ZNF469: variants seen among roughly 807,000 people sequenced by gnomAD.
ZNF469 encodes the protein zinc finger protein 469.
ZNF469 carries 1 observed loss-of-function variant against 1.0 expected under a neutral mutation model. That is an observed-to-expected ratio of 1.00 (90% confidence interval 0.35 to 4.73). The LOEUF (loss-of-function observed/expected upper bound fraction) is 4.73. ZNF469 is among the 30% of genes most tolerant of loss of function. The probability of loss-of-function intolerance (pLI) is 0.16; values close to 1 mark genes in which losing one functional copy is unlikely to be tolerated. For missense variants in ZNF469, 6,100 were observed against 5,356.3 expected (o/e 1.14, Z -4.33); for synonymous variants, 2,703 against 2,363.4 (o/e 1.14, Z -4.17).
At chr16:88,380,389 AGACACGCCCT>A (rs2092518341), upstream of ZNF469, among the ~76,000 whole-genome samples, 1 of 119,592 alleles carries the variant, frequency 8.4e-6, no homozygotes, top group Admixed American at 7.5e-5. Flanking sequence ...ACGCACTCAC[AGACACGCCCT>A]CACACAGACA....
chr16:88,393,320 G>T (rs1904541008), intron 1 of ZNF469, among the ~76,000 whole-genome samples: 1 of 152,236 alleles, frequency 6.6e-6, no homozygotes, highest in African/African-American at 2.4e-5. Flanking sequence ...GCATCCGATT[G>T]TTAGCTGAGC....
At chr16:88,299,419 C>T in the ZNF469 span, among the ~76,000 whole-genome samples, 2 of 152,180 alleles carry the variant, frequency 1.3e-5, no homozygotes, top group Non-Finnish European at 2.9e-5. Context: ...GCAGAGGCTC[C>T]AGGTGCCGGC....
At chr16:88,203,226 G>T in the ZNF469 span, among the ~76,000 whole-genome samples, 2 of 152,140 alleles carry the variant, frequency 1.3e-5, no homozygotes, top group East Asian at 1.9e-4. Context: ...GGAGGGAGGA[G>T]CCCCCAACCC....
chr16:88,211,970 CA>C, the ZNF469 span, among the ~76,000 whole-genome samples: 4 of 152,296 alleles, frequency 2.6e-5, no homozygotes, highest in African/African-American at 9.6e-5. Flanking sequence ...ACAATTTGTC[CA>C]GTGATTATGG....
At chr16:88,386,772 G>T (rs2092537548) in intron 1 of ZNF469, among the ~76,000 whole-genome samples, 1 of 152,196 alleles carries the variant, frequency 6.6e-6, no homozygotes, top group Non-Finnish European at 1.5e-5. Context: ...TGATGGAGCT[G>T]ACCTGCTACA....
At chr16:88,185,414 C>T in the ZNF469 span, among the ~76,000 whole-genome samples, 2 of 152,324 alleles carry the variant, frequency 1.3e-5, no homozygotes, top group East Asian at 1.9e-4. Context: ...CACTTATACT[C>T]ACATGAATAC....
At chr16:88,225,451 G>A in the ZNF469 span, among the ~76,000 whole-genome samples, 38 of 152,298 alleles carry the variant, frequency 2.5e-4, no homozygotes, top group African/African-American at 8.7e-4. Context: ...AAGGGAAATC[G>A]GTGGGCAGGG....
At position 88,433,884 on chromosome 16, in the gene ZNF469, G is replaced by T. The variant is rs548774131; in HGVS notation, c.6414G>T (p.Ser2138=). Residue 2138 remains serine (S), a synonymous_variant, in exon 3 of 3, where the codon TCG becomes TCT. Transcript: ENST00000565624. ...TGCCCCGTGAAGACCCACTTACCTC[G>T]CCTTCCAGGGCCCAAGGTGGGCTGG... ...GPLPREDPLT[S]PSRAQGGLGG... 160 of 1,548,436 alleles carry T rather than the reference G, an allele frequency of 1.0e-4. 2 individuals carry two copies. The East Asian group carries it at 3.5e-3, about 34-fold the overall frequency.
the ZNF469 span, among the ~76,000 whole-genome samples, chr16:88,165,790 C>A: frequency 6.6e-6 from 1 of 152,166 alleles, no homozygotes; most frequent in Non-Finnish European, 1.5e-5. Context: ...GCTTTCCCTG[C>A]CCCAGCCCGG....
At chr16:88,329,878 G>A in the ZNF469 span, among the ~76,000 whole-genome samples, 1 of 152,238 alleles carries the variant, frequency 6.6e-6, no homozygotes, top group Non-Finnish European at 1.5e-5. Flanking sequence ...CAGCCCTCAG[G>A]CCATCCGGTG....
At chr16:88,280,108 G>A in the ZNF469 span, among the ~76,000 whole-genome samples, 30 of 151,896 alleles carry the variant, frequency 2.0e-4, 1 homozygote, top group African/African-American at 6.3e-4. Flanking sequence ...TCAGTGCATG[G>A]TTAGTGCTGT....
chr16:88,416,944 G>A (rs931481500), intron 1 of ZNF469, among the ~76,000 whole-genome samples: 1 of 152,204 alleles, frequency 6.6e-6, no homozygotes, highest in African/African-American at 2.4e-5. Context: ...GTCAGGTCAA[G>A]GTCAGCCACC....
chr16:88,253,345 T>G, the ZNF469 span, among the ~76,000 whole-genome samples: 1 of 152,194 alleles, frequency 6.6e-6, no homozygotes, highest in African/African-American at 2.4e-5. Flanking sequence ...CCCGCTTCAT[T>G]ACCTACACTT....
chr16:88,365,595 T>G, the ZNF469 span, among the ~76,000 whole-genome samples: 1 of 152,212 alleles, frequency 6.6e-6, no homozygotes, highest in Non-Finnish European at 1.5e-5. Flanking sequence ...GCCTGGGCTT[T>G]CCAGTTATGT....
the ZNF469 span, among the ~76,000 whole-genome samples, chr16:88,330,939 C>T: frequency 2.0e-5 from 3 of 152,194 alleles, no homozygotes; most frequent in Admixed American, 6.5e-5. Context: ...TCACTAAACA[C>T]TGAGCAGCTG....
the ZNF469 span, among the ~76,000 whole-genome samples, chr16:88,247,035 A>G: frequency 6.5e-4 from 53 of 80,958 alleles, no homozygotes; most frequent in African/African-American, 2.9e-3. Flanking sequence ...GAATGAGTGA[A>G]TGAGTGAATG....
the ZNF469 span, among the ~76,000 whole-genome samples, chr16:88,213,194 G>A: frequency 1.3e-5 from 2 of 151,892 alleles, no homozygotes; most frequent in Non-Finnish European, 2.9e-5. Context: ...CGCCTCCCTG[G>A]TTCACGCCAC....
At position 88,427,828 on chromosome 16, in the gene ZNF469, T is replaced by C; in HGVS notation, c.358T>C (p.Tyr120His). ...GGCAGAGGGCAGCCCCCCACAGCGCTACATTCTGGGCATCGCCAGCTCGAG... is the reference window on the plus strand; with the variant it reads ...GGCAGAGGGCAGCCCCCCACAGCGCCACATTCTGGGCATCGCCAGCTCGAG... ...GRAEGSPPQR[Y>H]ILGIASSRTK... The change falls in exon 3 of 3, where the codon TAC becomes CAC. Residue 120 changes from tyrosine (Y) to histidine (H), a missense_variant. By Grantham distance (83) the Tyr-to-His change is moderately conservative. Coordinates refer to ENST00000565624, the MANE Select transcript of ZNF469 (RefSeq NM_001367624.2). 6.5e-7 allele frequency: 1 copy of C among 1,548,834 alleles called. No homozygotes were observed. Among genetic ancestry groups the C allele is most frequent in the Non-Finnish European group, 8.7e-7 (1 of 1,146,804 alleles).
At chr16:88,220,011 G>T in the ZNF469 span, among the ~76,000 whole-genome samples, 11 of 152,134 alleles carry the variant, frequency 7.2e-5, no homozygotes, top group East Asian at 2.1e-3. Flanking sequence ...CACCTTCCTG[G>T]TTCTCCCCTC....
Sources: allele counts gnomAD v4.1 joint callset (sites outside exome capture counted in the v4.1 genomes callset), GRCh38; gene constraint gnomAD v4.1.1; transcripts MANE v1.5; gene names NCBI Gene and HGNC (gene_info 2026-07-23, HGNC 2026-07-21).